ATP6V0A4: variants seen among roughly 807,000 people sequenced by gnomAD.
ATP6V0A4 encodes the protein V-type proton ATPase 116 kDa subunit a 4.
In ATP6V0A4, 86 loss-of-function variants were observed where a neutral mutation model predicts 107.3. The observed-to-expected ratio is 0.80, with a 90% CI of 0.67 to 0.96. The LOEUF (loss-of-function observed/expected upper bound fraction) is 0.96. ATP6V0A4 is among the 40% of genes least tolerant of loss of function. The pLI is 0.00. For missense variants in ATP6V0A4, 908 were observed against 1,045.6 expected, an observed-to-expected ratio of 0.87 and a Z score of 1.81; for synonymous variants, 353 against 381.4, an observed-to-expected ratio of 0.93 and a Z score of 0.87.
At position 138,748,492 on chromosome 7, in the gene ATP6V0A4, C is replaced by T. The variant is rs559999415; in HGVS notation, c.1180+675G>A. ...TGCAGTCTCAGCTCACTGCAATCTC[C>T]GCCTCCTGGATTCAAGCGATTCTCC... On this transcript the variant is annotated intron_variant, in intron 12 of 21. Transcript: ENST00000310018. Among the ~76,000 whole-genome samples, 7 of 152,190 alleles carry T rather than the reference C, an allele frequency of 4.6e-5. No homozygotes were observed. In the South Asian group the frequency reaches 6.2e-4, roughly 14 times the overall value.
rs929483161 is a variant in ATP6V0A4, at chr7:138,768,827, C to T, written c.244G>A (p.Glu82Lys). The change falls in exon 5 of 22, where the codon GAG (glutamate) becomes AAG (lysine). Residue 82 changes from glutamate (E) to lysine (K), a missense_variant. Transcript: ENST00000310018. Reference protein sequence around the residue: ...MQNEIVVQLLEKSPLTPLPRE... With the variant: ...MQNEIVVQLLKKSPLTPLPRE... The stretch of plus-strand genomic sequence containing the variant: ...GGGAGCGGGGTCAGTGGGCTTTTCT[C>T]GAGCAACTGAACTACAATCTCATTT... 1.9e-6 allele frequency: 3 copies of T among 1,614,168 alleles called. No individual in the cohort carries two copies. The highest frequency in any genetic ancestry group is 1.7e-6 in the Non-Finnish European group (2 of 1,180,036).
chr7:138,762,026 G>A (rs2117314454), intron 7 of ATP6V0A4, among the ~76,000 whole-genome samples: 1 of 152,238 alleles, frequency 6.6e-6, no homozygotes, highest in East Asian at 1.9e-4. Context: ...AGTCCCCATA[G>A]CCTTGTTCCA....
rs539497353 is a variant in ATP6V0A4 at position 138,759,753 on chromosome 7, G to A, written c.638C>T (p.Thr213Met). ...EMDAPLEDPV[T>M]KEEIQKNIFI... ...GTTTTTGCAGCCCAAGGTTCCCACC[G>A]TCACAGGATCCTCCAGAGGGGCGTC... is the stretch of plus-strand genomic sequence containing the variant. Residue 213 changes from threonine (T) to methionine (M), a missense_variant and splice_region_variant, in exon 8 of 22, where the codon ACG (threonine) becomes ATG (methionine). Coordinates refer to ENST00000310018, the MANE Select transcript of ATP6V0A4 (RefSeq NM_020632.3). The A allele has an allele frequency of 1.5e-5, 24 of 1,614,084 alleles. No homozygotes were observed. Among genetic ancestry groups the A allele is most frequent in the Middle Eastern group, 1.7e-4 (1 of 6,060 alleles).
chr7:138,722,744 C>CAAAA (rs71169049), intron 18 of ATP6V0A4, among the ~76,000 whole-genome samples: 6 of 33,458 alleles, frequency 1.8e-4, no homozygotes, highest in Non-Finnish European at 2.0e-4. Flanking sequence ...GACTCCATCT[C>CAAAA]AAAAAAAAAA....
At chr7:138,758,445 TG>T (rs1337679409) in intron 8 of ATP6V0A4, among the ~76,000 whole-genome samples, 2 of 152,222 alleles carry the variant, frequency 1.3e-5, no homozygotes, top group Non-Finnish European at 2.9e-5. Context: ...TGAATTTTGT[TG>T]TTTTTTCATT....
rs747795808 is a variant in ATP6V0A4 at position 138,709,819 on chromosome 7, G to C, written c.2258-24C>G. ...TTCTGCAAGGTACGAGAAACCACTG[G>C]GATTATCTTGTAAATGCAGATTGTT... On this transcript the variant is annotated intron_variant, in intron 20 of 21. Transcript: ENST00000310018. 6.2e-6 allele frequency: 10 copies of C among 1,611,324 alleles called. No homozygotes were observed. In the African/African-American group the frequency reaches 1.1e-4, roughly 17 times the overall value.
chr7:138,723,397 T>TAA (rs1804535921), intron 18 of ATP6V0A4, among the ~76,000 whole-genome samples: 1 of 152,204 alleles, frequency 6.6e-6, no homozygotes, highest in Admixed American at 6.5e-5. Flanking sequence ...CCCCTAAGTG[T>TAA]GAATGGTATA....
At chr7:138,780,374 C>T (rs76398685) in intron 2 of ATP6V0A4, among the ~76,000 whole-genome samples, 13,260 of 152,166 alleles carry the variant, frequency 0.087, 671 homozygotes, top group African/African-American at 0.14. Flanking sequence ...GCTGCTGACA[C>T]GACAGGAGGT....
chr7:138,762,812 A>T, intron 6 of ATP6V0A4, 88 bp downstream of exon 6: 1 of 1,425,420 alleles, frequency 7.0e-7, no homozygotes, highest in African/African-American at 1.4e-5. Flanking sequence ...AGAGTGATTT[A>T]CTCAGATCCC....
intron 16 of ATP6V0A4, among the ~76,000 whole-genome samples, chr7:138,733,552 G>A (rs1327185871): frequency 2.7e-5 from 4 of 149,802 alleles, no homozygotes; most frequent in Non-Finnish European, 3.0e-5. Context: ...TGTACAGCCT[G>A]GAAGTTAAGA....
chr7:138,710,998 A>G (rs1192288944), intron 20 of ATP6V0A4, among the ~76,000 whole-genome samples: 3 of 152,170 alleles, frequency 2.0e-5, no homozygotes, highest in Non-Finnish European at 4.4e-5. Context: ...CATCTCATAG[A>G]TAAGGAAACT....
At chr7:138,725,515 C>CTT (rs34426447) in intron 18 of ATP6V0A4, among the ~76,000 whole-genome samples, 7 of 147,340 alleles carry the variant, frequency 4.8e-5, no homozygotes, top group South Asian at 2.1e-4. Flanking sequence ...GCAAAAAAAA[C>CTT]TTTTTTTTTT....
At chr7:138,756,012 A>AACCG (rs1473453720) in intron 9 of ATP6V0A4, 61 of 704,000 alleles carry the variant, frequency 8.7e-5, no homozygotes, top group Non-Finnish European at 2.7e-5. Flanking sequence ...GCTTCATTCA[A>AACCG]ACCATAAAAC....
intron 20 of ATP6V0A4, among the ~76,000 whole-genome samples, chr7:138,715,197 G>GT: frequency 6.6e-6 from 1 of 152,122 alleles, no homozygotes; most frequent in Non-Finnish European, 1.5e-5. Context: ...GTGTTGTTGG[G>GT]TTTTTTGTTT....
At chr7:138,728,612 A>G in intron 18 of ATP6V0A4, 149 bp downstream of exon 18, 1 of 1,091,992 alleles carries the variant, frequency 9.2e-7, no homozygotes, top group Non-Finnish European at 1.4e-6. Flanking sequence ...AGCTCCACAG[A>G]ACGAAACATA....
intron 19 of ATP6V0A4, among the ~76,000 whole-genome samples, chr7:138,718,671 C>CG (rs1401855870): frequency 3.1e-3 from 8 of 2,578 alleles, no homozygotes; most frequent in Non-Finnish European, 4.0e-3. Flanking sequence ...GGAAGGAATT[C>CG]GGGGCGGGGG....
In ATP6V0A4 at chr7:138,718,279, GGTGTGTGTGT is replaced by G. The variant is rs777538832; in HGVS notation, c.2140-2408_2140-2399del. 8.6e-3 allele frequency among the ~76,000 whole-genome samples: 111 copies of G among 12,930 alleles called. 6 individuals carry two copies. Among genetic ancestry groups the G allele is most frequent in the East Asian group, 0.031 (11 of 350 alleles). The allele number at this position is 12,930 out of a possible 152,430, so 8.5% of individuals were successfully genotyped here. The stretch of plus-strand genomic sequence containing the variant: ...AGGGAGACGTCCAGGAAGGAATGGC[GGTGTGTGTGT>G]GTGTGTGTGTGTGTGTGTGTGTGTG... On this transcript the variant is annotated intron_variant, in intron 19 of 21. Transcript: ENST00000310018.
At chr7:138,724,858 A>G (rs766886929) in intron 18 of ATP6V0A4, among the ~76,000 whole-genome samples, 4 of 152,208 alleles carry the variant, frequency 2.6e-5, no homozygotes, top group Non-Finnish European at 2.9e-5. Flanking sequence ...CCTAGTGACT[A>G]TCTTCCTTCC....
At chr7:138,743,382 C>T (rs752558841) in intron 14 of ATP6V0A4, among the ~76,000 whole-genome samples, 14 of 148,326 alleles carry the variant, frequency 9.4e-5, no homozygotes, top group South Asian at 8.4e-4. Flanking sequence ...CGCTTGAACC[C>T]GGGAGGTGGA....
Sources: allele counts gnomAD v4.1 joint callset (sites outside exome capture counted in the v4.1 genomes callset), GRCh38; gene constraint gnomAD v4.1.1; transcripts MANE v1.5; gene names NCBI Gene and HGNC (gene_info 2026-07-23, HGNC 2026-07-21).